IQCH: variants seen among roughly 807,000 people sequenced by gnomAD.
The protein encoded by IQCH is IQ domain-containing protein H.
In IQCH, 98 loss-of-function variants were observed where a neutral mutation model predicts 117.0. The ratio of observed to expected loss-of-function variants is 0.84; its 90% CI spans 0.71 to 0.99. The LOEUF (loss-of-function observed/expected upper bound fraction) is 0.99, where lower values mean the gene tolerates loss of function less well. Ranked by LOEUF, IQCH falls within the 50% of genes least tolerant of loss-of-function variation. The probability of loss-of-function intolerance (pLI) is 0.00; values close to 1 mark genes in which losing one functional copy is unlikely to be tolerated. For missense variants in IQCH, 1,102 were observed against 1,243.8 expected (o/e 0.89, Z 1.72); for synonymous variants, 412 against 448.2 (o/e 0.92, Z 1.02).
At position 67,359,899 on chromosome 15, in the gene IQCH, G is replaced by T; in HGVS notation, c.753+14G>T. 6.3e-7 allele frequency: 1 copy of T among 1,577,312 alleles called. No homozygotes were observed. Among genetic ancestry groups the T allele is most frequent in the Middle Eastern group, 1.7e-4 (1 of 5,896 alleles). ...CATGATAGGAAGGTCTGTAATTTGT[G>T]TGACTAGTTGAAATTTAGGGTCTGT... is the stretch of plus-strand genomic sequence containing the variant. On this transcript the variant is annotated intron_variant, in intron 8 of 20. Coordinates refer to ENST00000335894, the MANE Select transcript of IQCH (RefSeq NM_001031715.3). The surrounding 1 kb of genome is among the most constrained non-coding windows in gnomAD (Gnocchi z 4.5).
At chr15:67,294,365 G>T (rs1336981553) in intron 4 of IQCH, among the ~76,000 whole-genome samples, 1 of 152,032 alleles carries the variant, frequency 6.6e-6, no homozygotes, top group African/African-American at 2.4e-5. Flanking sequence ...AACTGATTTT[G>T]CTCAGGATGG....
In IQCH at chr15:67,372,370, C is replaced by A; in HGVS notation, c.1013C>A (p.Thr338Asn). ...GAGTTTGAGCTGACGAATAAACTTA[C>A]CAGATATGACCTTCTCTCAGTGTTA... ...LPEFELTNKL[T>N]RYDLLSVLED... The change falls in exon 9 of 21, where the codon ACC (threonine) becomes AAC (asparagine). Residue 338 changes from threonine (T) to asparagine (N), a missense_variant. Thr to Asn is a moderately conservative substitution (Grantham distance 65). Coordinates refer to ENST00000335894, the MANE Select transcript of IQCH (RefSeq NM_001031715.3). 8.1e-6 allele frequency: 13 copies of A among 1,614,094 alleles called. No individual in the cohort carries two copies. The highest frequency in any genetic ancestry group is 1.1e-5 in the Non-Finnish European group (13 of 1,180,006).
chr15:67,367,709 T>C (rs563988724), intron 8 of IQCH, among the ~76,000 whole-genome samples: 1 of 151,824 alleles, frequency 6.6e-6, no homozygotes, highest in South Asian at 2.1e-4. Context: ...GCACTGGTGG[T>C]ACGGGGGTAG....
chr15:67,337,162 G>A, intron 5 of IQCH, 67 bp downstream of exon 5: 1 of 1,572,596 alleles, frequency 6.4e-7, no homozygotes, highest in South Asian at 1.1e-5. Flanking sequence ...GGTAGGATCG[G>A]AGGCCTGAAT....
Position 67,453,314 on chromosome 15 carries a change from T to C in IQCH, c.2506-11813T>C, listed in dbSNP as rs1477756335. On this transcript the variant is annotated intron_variant, in intron 16 of 20. Transcript: ENST00000335894. This position sits in a 1 kb window ranked among gnomAD's most constrained non-coding sequence, Gnocchi z 5.8. ...AGGAGAGGCGCTCTGCTTTTTAGAG[T>C]TTCCAGTTTTTCTGCTCTGTTTTTT... 6.6e-6 allele frequency among the ~76,000 whole-genome samples: 1 copy of C among 152,124 alleles called. No individual in the cohort carries two copies. Among genetic ancestry groups the C allele is most frequent in the Non-Finnish European group, 1.5e-5 (1 of 68,018 alleles).
rs1290582401 is a variant in IQCH, at chr15:67,427,697, T to C, written c.2505+6120T>C. Among the ~76,000 whole-genome samples the C allele has an allele frequency of 6.6e-6, 1 of 152,190 alleles. No individual in the cohort carries two copies. ...TATTTTCTGTATCAGCAAATTCAAA[T>C]GTTAATAATAATCATCCACTTTAAA... On this transcript the variant is annotated intron_variant, in intron 16 of 20. Coordinates refer to ENST00000335894, the MANE Select transcript of IQCH (RefSeq NM_001031715.3). This position sits in a 1 kb window ranked among gnomAD's most constrained non-coding sequence, Gnocchi z 4.7.
intron 16 of IQCH, among the ~76,000 whole-genome samples, chr15:67,451,341 G>T (rs553791737): frequency 1.2e-4 from 18 of 151,898 alleles, no homozygotes; most frequent in African/African-American, 4.3e-4. Flanking sequence ...GATCTTTCCT[G>T]CTTTCTCTTG....
rs1567132903 is a variant in IQCH at position 67,369,402 on chromosome 15, A to G, written c.754-2709A>G. ...TTTGACAGAAATCCTTCTTGGCTAGAAGGAAAAAAAAATTGCCGTCAAGTC... is the reference window on the plus strand; with the variant it reads ...TTTGACAGAAATCCTTCTTGGCTAGGAGGAAAAAAAAATTGCCGTCAAGTC... On this transcript the variant is annotated intron_variant, in intron 8 of 20. Coordinates refer to ENST00000335894, the MANE Select transcript of IQCH (RefSeq NM_001031715.3). The surrounding 1 kb of genome is among the most constrained non-coding windows in gnomAD (Gnocchi z 5.2). Among the ~76,000 whole-genome samples, 1 of 152,060 alleles carries G rather than the reference A, an allele frequency of 6.6e-6. No individual in the cohort carries two copies. Among genetic ancestry groups the G allele is most frequent in the Non-Finnish European group, 1.5e-5 (1 of 67,992 alleles).
chr15:67,309,566 C>T (rs1301464227), intron 4 of IQCH, among the ~76,000 whole-genome samples: 1 of 152,002 alleles, frequency 6.6e-6, no homozygotes, highest in Non-Finnish European at 1.5e-5. Context: ...AATGATTTTG[C>T]TGGCTCCTAG....
At chr15:67,327,972 G>A (rs1968487664) in intron 4 of IQCH, among the ~76,000 whole-genome samples, 1 of 152,006 alleles carries the variant, frequency 6.6e-6, no homozygotes, top group African/African-American at 2.4e-5. Context: ...TTTTCTTCTT[G>A]AATTATAGCC....
chr15:67,279,487 C>T lies in IQCH; in HGVS notation c.362C>T (p.Ser121Phe), dbSNP rs1966262206. The change falls in exon 4 of 21, where the codon TCT becomes TTT. Residue 121 changes from serine to phenylalanine, a missense_variant. Transcript: ENST00000335894. ...FWQPQRQHSSSLPVFPRAKIK... is the reference protein window; with the variant it reads ...FWQPQRQHSSFLPVFPRAKIK... ...CAACCCCAAAGACAGCACAGTTCAT[C>T]TCTGCCTGTCTTTCCAAGAGCAAAG... 6.3e-7 allele frequency: 1 copy of T among 1,598,526 alleles called. No homozygotes were observed. Among genetic ancestry groups the T allele is most frequent in the African/African-American group, 1.3e-5 (1 of 74,418 alleles).
At chr15:67,439,565 A>G (rs988258470) in intron 16 of IQCH, among the ~76,000 whole-genome samples, 2 of 152,154 alleles carry the variant, frequency 1.3e-5, no homozygotes, top group Non-Finnish European at 2.9e-5. Context: ...GCAGAACTAC[A>G]TGAAATTTGA....
chr15:67,297,290 G>A (rs943735941), intron 4 of IQCH, among the ~76,000 whole-genome samples: 9 of 151,874 alleles, frequency 5.9e-5, no homozygotes, highest in Non-Finnish European at 8.8e-5. Context: ...TTGAATAGAC[G>A]CAAAAATCCA....
In IQCH at chr15:67,342,018, C is replaced by T. The variant is rs1346563806; in HGVS notation, c.509-2045C>T. On this transcript the variant is annotated intron_variant, in intron 5 of 20. Coordinates refer to ENST00000335894, the MANE Select transcript of IQCH (RefSeq NM_001031715.3). This position sits in a 1 kb window ranked among gnomAD's most constrained non-coding sequence, Gnocchi z 4.7. ...TGGCACAGTGGCTCACACCTATAAT[C>T]TCAGCACCTTGGGAGGCCAAGGCAG... Among the ~76,000 whole-genome samples the T allele has an allele frequency of 6.6e-6, 1 of 152,002 alleles. No individual in the cohort carries two copies. The highest frequency in any genetic ancestry group is 1.5e-5 in the Non-Finnish European group (1 of 67,990).
chr15:67,297,147 A>G (rs1292932185), intron 4 of IQCH, among the ~76,000 whole-genome samples: 1 of 152,232 alleles, frequency 6.6e-6, no homozygotes, highest in Admixed American at 6.5e-5. Flanking sequence ...TGATCCTTCT[A>G]GCCCTAACAG....
At chr15:67,347,164 TA>T in intron 6 of IQCH, among the ~76,000 whole-genome samples, 1 of 113,918 alleles carries the variant, frequency 8.8e-6, no homozygotes, top group South Asian at 2.8e-4. Context: ...CAGATGGAAA[TA>T]ATAGAGACAA....
At chr15:67,394,006 A>G (rs2140851676) in intron 12 of IQCH, among the ~76,000 whole-genome samples, 2 of 152,264 alleles carry the variant, frequency 1.3e-5, no homozygotes, top group Admixed American at 1.3e-4. Context: ...GGTCTAAGTT[A>G]CTTGCCTACA....
Position 67,465,108 on chromosome 15 carries a change from C to A in IQCH, c.2506-19C>A, listed in dbSNP as rs532020683. 2 of 1,610,480 alleles carry A rather than the reference C, an allele frequency of 1.2e-6. No homozygotes were observed. The highest frequency in any genetic ancestry group is 1.7e-6 in the Non-Finnish European group (2 of 1,177,568). ...TTTGCTGATTTCACCCTCACTTCTA[C>A]GGCTCCTGTTTTAATCAGGTGTGGG... On this transcript the variant is annotated intron_variant, in intron 16 of 20. Transcript: ENST00000335894. The surrounding 1 kb of genome is among the most constrained non-coding windows in gnomAD (Gnocchi z 5.9).
In IQCH at chr15:67,395,623, G is replaced by T. The variant is rs1034808556; in HGVS notation, c.1905+60G>T. ...TATTTGAAACATCCTCTTGATCTTG[G>T]ACAATTTCCAAGTCTTCTGGAGCCA... On this transcript the variant is annotated intron_variant, in intron 13 of 20. Transcript: ENST00000335894. This position sits in a 1 kb window ranked among gnomAD's most constrained non-coding sequence, Gnocchi z 4.0. 10 of 1,548,476 alleles carry T rather than the reference G, an allele frequency of 6.5e-6. No homozygotes were observed. The African/African-American group carries it at 1.4e-4, about 21-fold the overall frequency.
Sources: gnomAD v4.1 joint callset for allele counts (sites outside exome capture counted in the v4.1 genomes callset) on GRCh38, gnomAD v4.1.1 for gene constraint, Gnocchi (gnomAD v3.1) non-coding constraint, MANE v1.5 for transcripts, NCBI Gene and HGNC (gene_info 2026-07-23, HGNC 2026-07-21) for gene names.